COL19A1: variants seen among roughly 807,000 people sequenced by gnomAD.
COL19A1 encodes collagen alpha-1(XIX) chain.
Under a neutral mutation model 190.2 loss-of-function variants are expected in COL19A1, and 159 were observed. The observed-to-expected ratio is 0.84, with a 90% CI of 0.73 to 0.95. The LOEUF (loss-of-function observed/expected upper bound fraction) is 0.95, where lower values mean the gene tolerates loss of function less well. Ranked by LOEUF, COL19A1 falls within the 40% of genes least tolerant of loss-of-function variation. The probability of loss-of-function intolerance (pLI) is 0.00; values close to 1 mark genes in which losing one functional copy is unlikely to be tolerated. For missense variants in COL19A1, 1,418 were observed against 1,431.9 expected (o/e 0.99, Z 0.16); for synonymous variants, 509 against 458.9 (o/e 1.11, Z -1.39).
rs543122118 is a variant in COL19A1, at chr6:69,881,440, TG to T, written c.91+1783del. 1.9e-3 allele frequency among the ~76,000 whole-genome samples: 285 copies of T among 152,362 alleles called. 1 individual carries two copies. Among genetic ancestry groups the T allele is most frequent in the Non-Finnish European group, 3.4e-3 (229 of 68,034 alleles). On this transcript the variant is annotated intron_variant, in intron 2 of 50. Transcript: ENST00000620364. ...AATTTTTAAGTGTATAACACAGTAC[TG>T]TTAATTATAAACACGGTACTATACA...
intron 11 of COL19A1, among the ~76,000 whole-genome samples, chr6:69,985,528 T>C (rs896873888): frequency 6.6e-6 from 1 of 151,542 alleles, no homozygotes. Flanking sequence ...GTATCAAGAG[T>C]GGAAAGTAGA....
At chr6:70,103,547 C>G (rs946914209) in intron 16 of COL19A1, among the ~76,000 whole-genome samples, 1 of 152,198 alleles carries the variant, frequency 6.6e-6, no homozygotes, top group Non-Finnish European at 1.5e-5. Context: ...TGCCTTTTAC[C>G]TGCCTTGGCC....
At chr6:69,925,719 C>G (rs553217735) in intron 4 of COL19A1, among the ~76,000 whole-genome samples, 1 of 152,286 alleles carries the variant, frequency 6.6e-6, no homozygotes, top group African/African-American at 2.4e-5. Flanking sequence ...TATCCATGGG[C>G]ATGGAATGTT....
intron 15 of COL19A1, among the ~76,000 whole-genome samples, chr6:70,098,210 C>G (rs917148279): frequency 4.6e-5 from 7 of 152,164 alleles, no homozygotes; most frequent in African/African-American, 1.7e-4. Flanking sequence ...GTGGGGGAAT[C>G]TGATTTTAGT....
intron 11 of COL19A1, among the ~76,000 whole-genome samples, chr6:70,021,686 T>C (rs9351779): frequency 0.24 from 37,184 of 152,120 alleles, 6,424 homozygotes; most frequent in African/African-American, 0.49. Context: ...ATGGAATTTA[T>C]CGTGATGATG....
chr6:69,899,970 C>T (rs911915529), intron 3 of COL19A1, among the ~76,000 whole-genome samples: 3 of 152,082 alleles, frequency 2.0e-5, no homozygotes, highest in African/African-American at 7.2e-5. Flanking sequence ...TAAGATAATT[C>T]CTAGGTCAAA....
At chr6:70,128,578 A>C (rs1188847092) in intron 17 of COL19A1, among the ~76,000 whole-genome samples, 2 of 152,228 alleles carry the variant, frequency 1.3e-5, no homozygotes, top group Non-Finnish European at 2.9e-5. Context: ...GCCAGTGTCA[A>C]ATACATATGT....
At chr6:69,903,482 T>C (rs1770318714) in intron 4 of COL19A1, among the ~76,000 whole-genome samples, 1 of 152,188 alleles carries the variant, frequency 6.6e-6, no homozygotes, top group Non-Finnish European at 1.5e-5. Flanking sequence ...TGAATGTACC[T>C]ACCACACTGT....
intron 11 of COL19A1, among the ~76,000 whole-genome samples, chr6:69,987,142 T>C (rs772288805): frequency 2.6e-5 from 4 of 152,150 alleles, no homozygotes; most frequent in Non-Finnish European, 4.4e-5. Flanking sequence ...AGGTGTCCAC[T>C]CAAGGCCTAT....
chr6:70,181,630 T>C (rs1473782701), intron 44 of COL19A1, among the ~76,000 whole-genome samples: 1 of 150,160 alleles, frequency 6.7e-6, no homozygotes, highest in Non-Finnish European at 1.5e-5. Flanking sequence ...GCTTTTGCAT[T>C]CTAATATAGG....
intron 9 of COL19A1, among the ~76,000 whole-genome samples, chr6:69,958,652 A>G (rs1385882285): frequency 6.6e-6 from 1 of 152,196 alleles, no homozygotes; most frequent in African/African-American, 2.4e-5. Context: ...TTTAGTATAT[A>G]CTGTGATGAT....
At chr6:69,998,834 A>G (rs1010512959) in intron 11 of COL19A1, among the ~76,000 whole-genome samples, 6 of 152,110 alleles carry the variant, frequency 3.9e-5, no homozygotes, top group African/African-American at 1.4e-4. Flanking sequence ...ATTTTGCTGT[A>G]TTTGTTTTAT....
chr6:69,903,688 C>T (rs1374201041), intron 4 of COL19A1, among the ~76,000 whole-genome samples: 1 of 152,192 alleles, frequency 6.6e-6, no homozygotes, highest in African/African-American at 2.4e-5. Context: ...GACCAAAAGC[C>T]TACTGATATT....
At chr6:70,168,555 T>C (rs1765307464) in intron 39 of COL19A1, 100 bp from the exon 40 acceptor site, 1 of 1,036,002 alleles carries the variant, frequency 9.7e-7, no homozygotes, top group South Asian at 1.6e-5. Flanking sequence ...AACTTGCTAA[T>C]ATTCGTATGT....
chr6:70,106,792 C>T (rs894309028), intron 16 of COL19A1, among the ~76,000 whole-genome samples: 14 of 152,120 alleles, frequency 9.2e-5, no homozygotes, highest in African/African-American at 3.1e-4. Flanking sequence ...AGCGAATATT[C>T]TTCATTGGAG....
Position 69,982,498 on chromosome 6 carries a change from C to T in COL19A1, c.1026+19628C>T, listed in dbSNP as rs543259209. On this transcript the variant is annotated intron_variant, in intron 11 of 50. Coordinates refer to ENST00000620364, the MANE Select transcript of COL19A1 (RefSeq NM_001858.6). ...TCGTGATCCACCTGCCTCGGCCTCC[C>T]ACAGTGCTGGGATTACAGGGGTGAG... Among the ~76,000 whole-genome samples, 95 of 151,984 alleles carry T rather than the reference C, an allele frequency of 6.3e-4. 1 individual carries two copies. The highest frequency in any genetic ancestry group is 3.4e-3 in the Middle Eastern group (1 of 292).
At chr6:70,170,810 G>A (rs566929190) in intron 40 of COL19A1, among the ~76,000 whole-genome samples, 3 of 152,054 alleles carry the variant, frequency 2.0e-5, no homozygotes, top group African/African-American at 7.2e-5. Flanking sequence ...TCTGTAATAA[G>A]GGCAATGTTA....
intron 9 of COL19A1, among the ~76,000 whole-genome samples, chr6:69,943,955 C>T (rs1325530560): frequency 6.6e-6 from 1 of 152,208 alleles, no homozygotes; most frequent in East Asian, 1.9e-4. Flanking sequence ...TAAGGTAAAC[C>T]CCAAAGCTCT....
chr6:69,925,332 T>A (rs1295820641), intron 4 of COL19A1, among the ~76,000 whole-genome samples: 1 of 152,210 alleles, frequency 6.6e-6, no homozygotes, highest in Non-Finnish European at 1.5e-5. Flanking sequence ...GCACCATTTG[T>A]TAAATAGGGT....
Sources: gnomAD v4.1 joint callset for allele counts (sites outside exome capture counted in the v4.1 genomes callset) on GRCh38, gnomAD v4.1.1 for gene constraint, MANE v1.5 for transcripts, NCBI Gene and HGNC (gene_info 2026-07-23, HGNC 2026-07-21) for gene names.